RORA: variants seen among roughly 807,000 people sequenced by gnomAD.
RORA encodes nuclear receptor ROR-alpha.
RORA carries 7 observed loss-of-function variants against 69.5 expected under a neutral mutation model. That is an observed-to-expected ratio of 0.10 (90% CI 0.06 to 0.19). RORA has a LOEUF of 0.19. Ranked by LOEUF, RORA falls within the 10% of genes least tolerant of loss-of-function variation. The pLI is 1.00. For synonymous variants in RORA, 261 were observed against 240.8 expected, an observed-to-expected ratio of 1.08 and a Z score of -0.78; for missense variants, 457 against 663.0, an observed-to-expected ratio of 0.69 and a Z score of 3.41.
chr15:61,090,801 C>T (rs927204479), intron 1 of RORA, among the ~76,000 whole-genome samples: 51 of 152,282 alleles, frequency 3.3e-4, no homozygotes, highest in African/African-American at 1.1e-3. Context: ...CACAGCCACA[C>T]TCATTGTGAT....
At chr15:61,091,882 G>C (rs1248322116) in intron 1 of RORA, among the ~76,000 whole-genome samples, 3 of 152,204 alleles carry the variant, frequency 2.0e-5, no homozygotes, top group Non-Finnish European at 4.4e-5. Context: ...ATATGTTAAA[G>C]TGGTCTTTTA....
intron 1 of RORA, among the ~76,000 whole-genome samples, chr15:60,901,360 T>G (rs778548423): frequency 3.3e-5 from 5 of 152,102 alleles, no homozygotes; most frequent in Admixed American, 6.5e-5. Flanking sequence ...TTAGTAGAGA[T>G]GGGGTTTCGC....
intron 2 of RORA, among the ~76,000 whole-genome samples, chr15:60,548,977 T>C (rs141979838): frequency 6.6e-5 from 10 of 152,352 alleles, no homozygotes; most frequent in African/African-American, 2.4e-4. Flanking sequence ...CAAGTAGCTT[T>C]ACATTGCTCT....
Position 61,061,975 on chromosome 15 carries a change from A to G in RORA, c.166+167078T>C, listed in dbSNP as rs2078193115. Among the ~76,000 whole-genome samples, 1 of 152,174 alleles carries G rather than the reference A, an allele frequency of 6.6e-6. No individual in the cohort carries two copies. Among genetic ancestry groups the G allele is most frequent in the Non-Finnish European group, 1.5e-5 (1 of 68,020 alleles). ...CTACTTGGGAGGCTGAGGCAGGAGA[A>G]TCCCTTGAACCTAGGAGACGGAGGT... On this transcript the variant is annotated intron_variant, in intron 1 of 10. Coordinates refer to ENST00000335670, the MANE Select transcript of RORA (RefSeq NM_134261.3). The surrounding 1 kb of genome is among the most constrained non-coding windows in gnomAD (Gnocchi z 4.4).
intron 3 of RORA, 32 bp from the exon 4 acceptor site, chr15:60,514,789 T>C: frequency 6.3e-7 from 1 of 1,598,882 alleles, no homozygotes; most frequent in Non-Finnish European, 8.6e-7. Context: ...TAAAACAGGT[T>C]AGTGTCAGAA....
intron 1 of RORA, among the ~76,000 whole-genome samples, chr15:61,095,197 C>T (rs1178299807): frequency 1.3e-5 from 2 of 152,118 alleles, no homozygotes; most frequent in Non-Finnish European, 2.9e-5. Context: ...GCTGAGCTGG[C>T]TTGCCCAGGG....
At chr15:60,673,616 T>G (rs972005171) in intron 2 of RORA, among the ~76,000 whole-genome samples, 1 of 152,238 alleles carries the variant, frequency 6.6e-6, no homozygotes, top group African/African-American at 2.4e-5. Flanking sequence ...TTTTCTCTAG[T>G]TTTCTTTTCC....
chr15:60,540,967 T>G (rs536043965), intron 2 of RORA, among the ~76,000 whole-genome samples: 4 of 152,198 alleles, frequency 2.6e-5, no homozygotes, highest in Non-Finnish European at 5.9e-5. Flanking sequence ...GTTAAGAGAA[T>G]TAGCCCACAG....
intron 6 of RORA, among the ~76,000 whole-genome samples, chr15:60,504,328 C>T (rs1296050977): frequency 7.2e-5 from 11 of 151,792 alleles, no homozygotes; most frequent in Admixed American, 6.6e-4. Flanking sequence ...AGGGGGATCA[C>T]TTGAGGTCTG....
rs554333441 is a variant in RORA at position 60,488,436 on chromosome 15, G to A, written c.*9019C>T. ...CAACATTCATATTAGAATGAAAATT[G>A]GAGTATTTAAAAGACAACATTAAAT... On this transcript the variant is annotated 3_prime_UTR_variant, in exon 11 of 11. Coordinates refer to ENST00000335670, the MANE Select transcript of RORA (RefSeq NM_134261.3). 13 of 152,120 alleles carry A rather than the reference G, an allele frequency of 8.5e-5. No individual in the cohort carries two copies. Among genetic ancestry groups the A allele is most frequent in the Non-Finnish European group, 1.5e-4 (10 of 67,982 alleles). 9.4% of individuals were successfully genotyped at this position (152,120 alleles called of 1,614,324 possible).
At chr15:60,777,078 G>T (rs527524971) in intron 1 of RORA, among the ~76,000 whole-genome samples, 1 of 152,164 alleles carries the variant, frequency 6.6e-6, no homozygotes, top group Non-Finnish European at 1.5e-5. Flanking sequence ...ATAAATGAAT[G>T]AATGTTATTA....
intron 2 of RORA, among the ~76,000 whole-genome samples, chr15:60,570,078 G>C (rs1376728928): frequency 1.3e-5 from 2 of 152,092 alleles, no homozygotes; most frequent in South Asian, 2.1e-4. Context: ...AGGTGAAGGG[G>C]ACAGATCCAA....
At chr15:60,835,678 A>G (rs1007602376) in intron 1 of RORA, among the ~76,000 whole-genome samples, 3 of 152,134 alleles carry the variant, frequency 2.0e-5, no homozygotes, top group South Asian at 2.1e-4. Flanking sequence ...GGGAGCCTTG[A>G]TCCAGGTCTT....
At chr15:60,550,105 AG>A (rs1420437630) in intron 2 of RORA, among the ~76,000 whole-genome samples, 5 of 152,250 alleles carry the variant, frequency 3.3e-5, no homozygotes, top group African/African-American at 1.2e-4. Context: ...AGCCTGGCCA[AG>A]ATGGTGAAAT....
chr15:61,026,326 G>C lies in RORA; in HGVS notation c.166+202727C>G, dbSNP rs73422432. On this transcript the variant is annotated intron_variant, in intron 1 of 10. Transcript: ENST00000335670. ...TCACGAAATTATTAGATTCACCAAA[G>C]CATATGCTGCATTGTATATCTGCTA... is the stretch of plus-strand genomic sequence containing the variant. 4.8e-3 allele frequency among the ~76,000 whole-genome samples: 734 copies of C among 152,296 alleles called. 8 individuals are homozygous for C. Among genetic ancestry groups the C allele is most frequent in the African/African-American group, 0.017 (696 of 41,556 alleles).
At chr15:60,821,675 G>T (rs959015638) in intron 1 of RORA, among the ~76,000 whole-genome samples, 4 of 152,192 alleles carry the variant, frequency 2.6e-5, no homozygotes, top group African/African-American at 7.2e-5. Context: ...AACTAGTGTG[G>T]GGCCTGATGG....
At chr15:60,518,754 A>G (rs1479218903) in intron 3 of RORA, among the ~76,000 whole-genome samples, 1 of 152,188 alleles carries the variant, frequency 6.6e-6, no homozygotes, top group Non-Finnish European at 1.5e-5. Context: ...GGAAAACACC[A>G]TGGAGGCTCT....
At chr15:61,223,448 T>A (rs903307062) in intron 1 of RORA, among the ~76,000 whole-genome samples, 1 of 152,210 alleles carries the variant, frequency 6.6e-6, no homozygotes, top group African/African-American at 2.4e-5. Flanking sequence ...CTAATTGAAT[T>A]TCTATTTTGC....
At chr15:61,212,085 A>G (rs2079997538) in intron 1 of RORA, 1 of 152,164 alleles carries the variant, frequency 6.6e-6, no homozygotes, top group Non-Finnish European at 1.5e-5. Flanking sequence ...ACCCTCTTTC[A>G]ACTTCCTCTC....
Sources: allele counts gnomAD v4.1 joint callset (sites outside exome capture counted in the v4.1 genomes callset), GRCh38; gene constraint gnomAD v4.1.1; non-coding constraint Gnocchi (gnomAD v3.1); transcripts MANE v1.5; gene names NCBI Gene and HGNC (gene_info 2026-07-23, HGNC 2026-07-21).